UBE2F: variants seen among roughly 807,000 people sequenced by gnomAD.
UBE2F encodes ubiquitin conjugating enzyme E2 F (putative).
In UBE2F, 5 loss-of-function variants were observed where a neutral mutation model predicts 29.6. That is an observed-to-expected ratio of 0.17 (90% confidence interval 0.09 to 0.36). The LOEUF is 0.36. Among genes scored for constraint, UBE2F ranks in the 10% least tolerant of loss-of-function variants. The probability of loss-of-function intolerance (pLI) is 1.00; values close to 1 mark genes in which losing one functional copy is unlikely to be tolerated. For missense variants in UBE2F, 141 were observed against 228.5 expected, an observed-to-expected ratio of 0.62 and a Z score of 2.47; for synonymous variants, 66 against 81.8, an observed-to-expected ratio of 0.81 and a Z score of 1.04.
chr2:237,982,867 A>G lies in UBE2F; in HGVS notation c.119-5096A>G, dbSNP rs1341291215. Reference sequence around the variant, plus strand: ...TCTTTCTCCATCCTCTGCCTTTCCCATACATTGCTCTAAGGAAGGGCAAAA... The same window carrying G: ...TCTTTCTCCATCCTCTGCCTTTCCCGTACATTGCTCTAAGGAAGGGCAAAA... On this transcript the variant is annotated intron_variant, in intron 2 of 9. Coordinates refer to ENST00000272930, the MANE Select transcript of UBE2F (RefSeq NM_080678.3). The surrounding 1 kb of genome is among the most constrained non-coding windows in gnomAD (Gnocchi z 4.1). Among the ~76,000 whole-genome samples the G allele has an allele frequency of 6.6e-6, 1 of 152,110 alleles. No individual in the cohort carries two copies. Among genetic ancestry groups the G allele is most frequent in the African/African-American group, 2.4e-5 (1 of 41,418 alleles).
At chr2:237,968,025 G>GGTA (rs1415377667) in intron 1 of UBE2F, among the ~76,000 whole-genome samples, 1 of 152,128 alleles carries the variant, frequency 6.6e-6, no homozygotes, top group Non-Finnish European at 1.5e-5. Flanking sequence ...TTAAGGAAGG[G>GGTA]GTAGGATTCG....
chr2:237,971,241 A>C (rs2063170104), intron 1 of UBE2F, among the ~76,000 whole-genome samples: 1 of 152,252 alleles, frequency 6.6e-6, no homozygotes, highest in Non-Finnish European at 1.5e-5. Context: ...TTTCTGTTGA[A>C]ACGATCAGAG....
chr2:238,014,611 A>G (rs780000760), intron 4 of UBE2F, among the ~76,000 whole-genome samples: 10 of 152,210 alleles, frequency 6.6e-5, no homozygotes, highest in Non-Finnish European at 1.5e-4. Context: ...GGTGTCTCGC[A>G]TGGGTAGTAA....
chr2:237,989,497 C>T (rs1204858553), intron 3 of UBE2F, among the ~76,000 whole-genome samples: 2 of 152,004 alleles, frequency 1.3e-5, no homozygotes, highest in East Asian at 3.9e-4. Context: ...GGACCACAGG[C>T]ATGCACCACC....
At chr2:238,002,146 C>T (rs568940604) in intron 4 of UBE2F, among the ~76,000 whole-genome samples, 1 of 150,930 alleles carries the variant, frequency 6.6e-6, no homozygotes, top group South Asian at 2.1e-4. Flanking sequence ...CTCACTGCAA[C>T]CTCTGCCTCC....
At chr2:237,973,726 G>A (rs1024071286) in intron 2 of UBE2F, 16 of 1,279,844 alleles carry the variant, frequency 1.3e-5, no homozygotes, top group African/African-American at 7.7e-5. Context: ...TAGAGTTTTC[G>A]TGACTTCTGC....
At chr2:237,987,896 A>G (rs1022207832) in intron 2 of UBE2F, 67 bp from the exon 3 acceptor site, 57 of 894,152 alleles carry the variant, frequency 6.4e-5, no homozygotes, top group Admixed American at 2.7e-5. Context: ...GAAATTGCCA[A>G]TTTAGAACTG....
intron 5 of UBE2F, among the ~76,000 whole-genome samples, chr2:238,021,035 A>G (rs147376123): frequency 1.8e-4 from 27 of 152,268 alleles, no homozygotes; most frequent in East Asian, 9.7e-4. Context: ...CCCAGACCCT[A>G]GCTGGCCTGT....
chr2:238,011,282 G>T (rs1355904737), intron 4 of UBE2F, among the ~76,000 whole-genome samples: 1 of 152,158 alleles, frequency 6.6e-6, no homozygotes, highest in Non-Finnish European at 1.5e-5. Context: ...GGCTTCTGCA[G>T]GGTTCACGGA....
At position 237,967,438 on chromosome 2, in the gene UBE2F, C is replaced by G. The variant is rs2063078953; in HGVS notation, c.-17+306C>G. On this transcript the variant is annotated intron_variant, in intron 1 of 9. Coordinates refer to ENST00000272930, the MANE Select transcript of UBE2F (RefSeq NM_080678.3). The surrounding 1 kb of genome is among the most constrained non-coding windows in gnomAD (Gnocchi z 6.3). ...GCGGGGGACGGCCCGCGCCGAGCAC[C>G]TGGTGTGAACCAGGCCCTGGGCCGA... 6.6e-6 allele frequency among the ~76,000 whole-genome samples: 1 copy of G among 151,896 alleles called. No homozygotes were observed. Among genetic ancestry groups the G allele is most frequent in the Non-Finnish European group, 1.5e-5 (1 of 67,926 alleles).
chr2:238,034,752 A>G (rs564559787), intron 8 of UBE2F, among the ~76,000 whole-genome samples: 1 of 152,354 alleles, frequency 6.6e-6, no homozygotes, highest in South Asian at 2.1e-4. Context: ...TCACAGCCAT[A>G]TTAATCTCCA....
chr2:238,015,515 T>G (rs889792297), intron 4 of UBE2F, among the ~76,000 whole-genome samples: 2 of 152,026 alleles, frequency 1.3e-5, no homozygotes, highest in African/African-American at 4.8e-5. Flanking sequence ...AAAAAAAATG[T>G]TAGGGTCCAG....
Position 237,987,852 on chromosome 2 carries a change from C to CATTTTTTTTTTTTTTTTTTTTTT in UBE2F, c.119-111_119-110insATTTTTTTTTTTTTTTTTTTTTT, listed in dbSNP as rs59213280. ...TAGACCAGGTTTTATTCAGTTCATC[C>CATTTTTTTTTTTTTTTTTTTTTT]TTTTTTTTTTTTTTTTGATTCAGTG... On this transcript the variant is annotated intron_variant, in intron 2 of 9. Coordinates refer to ENST00000272930, the MANE Select transcript of UBE2F (RefSeq NM_080678.3). 2 of 489,616 alleles carry CATTTTTTTTTTTTTTTTTTTTTT rather than the reference C, an allele frequency of 4.1e-6. 1 individual carries two copies. Among genetic ancestry groups the CATTTTTTTTTTTTTTTTTTTTTT allele is most frequent in the African/African-American group, 4.4e-5 (2 of 45,934 alleles). The allele number at this position is 489,616 out of a possible 1,614,324, so 30.3% of individuals were successfully genotyped here.
intron 4 of UBE2F, among the ~76,000 whole-genome samples, chr2:238,001,031 GC>G (rs1312942749): frequency 1.0e-5 from 1 of 97,616 alleles, no homozygotes; most frequent in Admixed American, 1.4e-4. Flanking sequence ...ATAGAGTTTT[GC>G]CTTTTTTTTT....
intron 4 of UBE2F, among the ~76,000 whole-genome samples, chr2:237,995,366 T>C (rs1448690922): frequency 6.6e-6 from 1 of 152,250 alleles, no homozygotes; most frequent in South Asian, 2.1e-4. Flanking sequence ...ACATATTTCT[T>C]CTTGGTCAAA....
intron 4 of UBE2F, among the ~76,000 whole-genome samples, chr2:238,002,291 T>C (rs1041344403): frequency 7.9e-5 from 12 of 152,222 alleles, no homozygotes; most frequent in African/African-American, 2.9e-4. Flanking sequence ...AATTATACTT[T>C]AAGTTTTAGG....
chr2:237,974,758 G>C (rs180915146), intron 2 of UBE2F, among the ~76,000 whole-genome samples: 1,530 of 149,726 alleles, frequency 0.01, 14 homozygotes, highest in Non-Finnish European at 0.016. Flanking sequence ...CAGGTGATCC[G>C]CCCGCCTCGG....
chr2:238,009,814 G>T (rs2063978759), intron 4 of UBE2F, among the ~76,000 whole-genome samples: 1 of 152,088 alleles, frequency 6.6e-6, no homozygotes, highest in Admixed American at 6.6e-5. Flanking sequence ...AGTTTGCATA[G>T]GATGTCACTT....
intron 6 of UBE2F, among the ~76,000 whole-genome samples, chr2:238,027,915 C>T (rs1410380815): frequency 6.6e-6 from 1 of 152,248 alleles, no homozygotes; most frequent in African/African-American, 2.4e-5. Flanking sequence ...GTTGTCCCGG[C>T]AGGGACCCTT....
Sources: allele counts gnomAD v4.1 joint callset (sites outside exome capture counted in the v4.1 genomes callset), GRCh38; gene constraint gnomAD v4.1.1; non-coding constraint Gnocchi (gnomAD v3.1); transcripts MANE v1.5; gene names NCBI Gene and HGNC (gene_info 2026-07-23, HGNC 2026-07-21).